ESRRB: variants seen among roughly 807,000 people sequenced by gnomAD.
ESRRB encodes the protein steroid hormone receptor ERR2.
Under a neutral mutation model 46.0 loss-of-function variants are expected in ESRRB, and 16 were observed. The observed-to-expected ratio is 0.35, with a 90% CI of 0.24 to 0.53. The LOEUF is 0.53. Among genes scored for constraint, ESRRB ranks in the 20% least tolerant of loss-of-function variants. The pLI is 0.93. For synonymous variants in ESRRB, 246 were observed against 259.6 expected (o/e 0.95, Z 0.50); for missense variants, 488 against 607.4 (o/e 0.80, Z 2.07).
At chr14:76,410,989 G>A (rs1006907934) in intron 1 of ESRRB, among the ~76,000 whole-genome samples, 1 of 151,606 alleles carries the variant, frequency 6.6e-6, no homozygotes, top group Non-Finnish European at 1.5e-5. Flanking sequence ...TTGCCTTGTT[G>A]ACCAGTCTGG....
chr14:76,316,483 C>CCTT (rs34390004), intron 1 of ESRRB, among the ~76,000 whole-genome samples: 103,026 of 151,746 alleles, frequency 0.68, 35,842 homozygotes, highest in Admixed American at 0.78. Flanking sequence ...CTTTTTGCCT[C>CCTT]ATTATTCACC....
At position 76,357,175 on chromosome 14, in the gene ESRRB, C is replaced by T. The variant is rs989886857; in HGVS notation, c.2+46259C>T. Among the ~76,000 whole-genome samples the T allele has an allele frequency of 2.0e-4, 30 of 152,324 alleles. 1 individual carries two copies. Among genetic ancestry groups the T allele is most frequent in the African/African-American group, 6.0e-4 (25 of 41,574 alleles). ...CACCAGAAGTATTTTTCTGGGTTCA[C>T]GGGGCATGAGAGAGAAGAATCTATA... On this transcript the variant is annotated intron_variant, in intron 1 of 6. Coordinates refer to the ESRRB transcript ENST00000512784.
At chr14:76,319,484 A>G (rs1479247728) in intron 1 of ESRRB, among the ~76,000 whole-genome samples, 2 of 151,568 alleles carry the variant, frequency 1.3e-5, no homozygotes, top group Non-Finnish European at 3.0e-5. Context: ...TCAGCCATCC[A>G]TGACTCTTCT....
At chr14:76,469,944 C>CT (rs1178018542) in intron 3 of ESRRB, among the ~76,000 whole-genome samples, 3,006 of 73,150 alleles carry the variant, frequency 0.041, 114 homozygotes, top group Non-Finnish European at 0.057. Context: ...TTTTTTTTTT[C>CT]TTTTTTTTTT....
intron 1 of ESRRB, among the ~76,000 whole-genome samples, chr14:76,346,050 C>T (rs553502387): frequency 8.5e-5 from 13 of 152,158 alleles, no homozygotes; most frequent in Non-Finnish European, 1.2e-4. Context: ...CGGTGGTTGC[C>T]GGAAACGCTT....
chr14:76,427,359 GTA>G (rs932174923), intron 1 of ESRRB, among the ~76,000 whole-genome samples: 7 of 150,126 alleles, frequency 4.7e-5, no homozygotes, highest in Non-Finnish European at 8.9e-5. Flanking sequence ...GTGTGTGTGT[GTA>G]TGTGTGTGTA....
intron 6 of ESRRB, 96 bp downstream of exon 6, chr14:76,491,812 A>G (rs1166975981): frequency 2.2e-6 from 3 of 1,337,956 alleles, no homozygotes; most frequent in Admixed American, 2.8e-5. Flanking sequence ...GCTGGCTGCC[A>G]TGGATAGAGA....
At chr14:76,435,654 A>C (rs965738032) in intron 1 of ESRRB, among the ~76,000 whole-genome samples, 16 of 152,120 alleles carry the variant, frequency 1.1e-4, no homozygotes, top group Non-Finnish European at 1.8e-4. Flanking sequence ...ACAGGGTGAA[A>C]CCCCCATCTC....
chr14:76,379,860 CA>C (rs34925535), intron 1 of ESRRB, among the ~76,000 whole-genome samples: 466 of 127,024 alleles, frequency 3.7e-3, no homozygotes, highest in Non-Finnish European at 5.3e-3. Flanking sequence ...AGATCTGTTC[CA>C]AAAAAAAAAA....
At chr14:76,459,095 T>C (rs1888744157) in intron 2 of ESRRB, among the ~76,000 whole-genome samples, 2 of 152,322 alleles carry the variant, frequency 1.3e-5, no homozygotes, top group South Asian at 4.1e-4. Context: ...TCTGACTGCC[T>C]GGGCCTCCCA....
chr14:76,383,913 G>A (rs956898565), intron 1 of ESRRB, among the ~76,000 whole-genome samples: 3 of 152,144 alleles, frequency 2.0e-5, no homozygotes, highest in African/African-American at 7.2e-5. Flanking sequence ...TCTGAGGCGC[G>A]TGGTGATAGG....
intron 1 of ESRRB, among the ~76,000 whole-genome samples, chr14:76,402,069 G>C (rs192316150): frequency 2.1e-4 from 32 of 152,358 alleles, no homozygotes; most frequent in African/African-American, 7.0e-4. Flanking sequence ...CATTGGGCAG[G>C]AAGGATTTTA....
intron 5 of ESRRB, among the ~76,000 whole-genome samples, chr14:76,486,724 C>A (rs757376750): frequency 4.6e-5 from 7 of 152,176 alleles, no homozygotes; most frequent in Non-Finnish European, 1.0e-4. Context: ...GCCAGAAGCT[C>A]TGGGCAGGCC....
At chr14:76,488,160 C>A (rs78357719) in intron 5 of ESRRB, among the ~76,000 whole-genome samples, 1 of 152,070 alleles carries the variant, frequency 6.6e-6, no homozygotes, top group African/African-American at 2.4e-5. Context: ...TTTGCAAATA[C>A]TAGAAAAGAT....
intron 2 of ESRRB, among the ~76,000 whole-genome samples, chr14:76,460,475 A>G (rs1475350765): frequency 6.6e-6 from 1 of 152,186 alleles, no homozygotes; most frequent in African/African-American, 2.4e-5. Flanking sequence ...CTTAGCTGCT[A>G]TTCCTCTGAA....
At chr14:76,469,929 G>GTTTTTTTTTTTTTCTTTTTTTT (rs1889295075) in intron 3 of ESRRB, among the ~76,000 whole-genome samples, 1 of 78,752 alleles carries the variant, frequency 1.3e-5, no homozygotes, top group Non-Finnish European at 2.8e-5. Flanking sequence ...GTTTTTTGTT[G>GTTTTTTTTTTTTTCTTTTTTTT]TTTTTTTTTT....
chr14:76,462,435 G>A (rs1430450235), intron 2 of ESRRB, 110 bp from the exon 3 acceptor site: 2 of 771,564 alleles, frequency 2.6e-6, no homozygotes, highest in African/African-American at 1.7e-5. Context: ...GAACACTAGG[G>A]GGGAGTGGCA....
intron 3 of ESRRB, among the ~76,000 whole-genome samples, chr14:76,468,450 C>G (rs1889221426): frequency 7.0e-6 from 1 of 143,204 alleles, no homozygotes; most frequent in Non-Finnish European, 1.5e-5. Flanking sequence ...TGACAGCTCA[C>G]AGGATCTTCC....
intron 1 of ESRRB, among the ~76,000 whole-genome samples, chr14:76,410,294 GT>G (rs1886379217): frequency 6.6e-6 from 1 of 151,960 alleles, no homozygotes; most frequent in African/African-American, 2.4e-5. Flanking sequence ...TATACATTTT[GT>G]TTCATTTTTT....
Sources: gnomAD v4.1 joint callset for allele counts (sites outside exome capture counted in the v4.1 genomes callset) on GRCh38, gnomAD v4.1.1 for gene constraint, MANE v1.5 for transcripts, NCBI Gene and HGNC (gene_info 2026-07-23, HGNC 2026-07-21) for gene names.